The following IL17RB variants were observed in gnomAD, a reference collection of about 807,000 sequenced individuals.
The protein encoded by IL17RB is interleukin 17 receptor B, also known as interleukin-17 receptor B.
In IL17RB, 36 loss-of-function variants were observed where a neutral mutation model predicts 43.9. That is an observed-to-expected ratio of 0.82 (90% confidence interval 0.63 to 1.08). The LOEUF is 1.08. IL17RB is among the 50% of genes least tolerant of loss of function. The probability of loss-of-function intolerance (pLI) is 0.00; values close to 1 mark genes in which losing one functional copy is unlikely to be tolerated. For missense variants in IL17RB, 613 were observed against 613.6 expected (o/e 1.00, Z 0.01); for synonymous variants, 225 against 225.4 (o/e 1.00, Z 0.02).
chr3:53,858,269 AC>A, intron 8 of IL17RB: 1 of 874,426 alleles, frequency 1.1e-6, no homozygotes, highest in Non-Finnish European at 1.4e-6. Flanking sequence ...GTGCTCAAAC[AC>A]ACCAGAGGGG....
Position 53,865,231 on chromosome 3 carries a change from G to T in IL17RB, c.1432G>T (p.Glu478Ter). 3 of 1,613,574 alleles carry T rather than the reference G, an allele frequency of 1.9e-6. No homozygotes were observed. The East Asian group carries it at 6.7e-5, about 36-fold the overall frequency. The change falls in exon 11 of 11, where the codon GAA (glutamate) becomes TAA (stop). Residue 478 changes from glutamate (E) to a stop codon, truncating the protein, a stop_gained. Transcript: ENST00000288167. LOFTEE classifies it low-confidence loss of function (END_TRUNC). ...LMKDATAFCA[E>*]LLHVKQQVSA... ...GAAGGATGCCACTGCTTTCTGTGCA[G>T]AACTTCTCCATGTCAAGCAGCAGGT...
intron 10 of IL17RB, chr3:53,861,101 A>G (rs1308290630): frequency 9.9e-5 from 15 of 152,196 alleles, no homozygotes. Flanking sequence ...GATGCTAACC[A>G]TCTCCAAACG....
At chr3:53,851,905 A>T in intron 3 of IL17RB, 94 bp from the exon 4 acceptor site, 1 of 1,397,800 alleles carries the variant, frequency 7.2e-7, no homozygotes, top group South Asian at 1.2e-5. Context: ...ATGAACCGAG[A>T]CATAAAATAA....
At chr3:53,855,801 G>A (rs1262118189) in intron 6 of IL17RB, among the ~76,000 whole-genome samples, 2 of 152,184 alleles carry the variant, frequency 1.3e-5, no homozygotes, top group Non-Finnish European at 2.9e-5. Flanking sequence ...CTAAAGGACT[G>A]GCCCACAATT....
At chr3:53,858,856 G>A (rs1413221514) in intron 9 of IL17RB, 38 bp downstream of exon 9, 2 of 1,507,540 alleles carry the variant, frequency 1.3e-6, no homozygotes, top group Non-Finnish European at 1.8e-6. Flanking sequence ...GATCAAAGTG[G>A]CTCACACACA....
Position 53,864,949 on chromosome 3 carries a change from A to C in IL17RB, c.1150A>C (p.Thr384Pro), listed in dbSNP as rs895231805. 3.8e-5 allele frequency: 61 copies of C among 1,614,056 alleles called. No homozygotes were observed. The highest frequency in any genetic ancestry group is 5.0e-5 in the Non-Finnish European group (59 of 1,180,022). Residue 384 changes from threonine to proline, a missense_variant, in exon 11 of 11, where the codon ACT becomes CCT. Coordinates refer to ENST00000288167, the MANE Select transcript of IL17RB (RefSeq NM_018725.4). ...AEMGPVQWLATQKKAADKVVF... is the reference protein window; with the variant it reads ...AEMGPVQWLAPQKKAADKVVF... ...GATGGGTCCAGTGCAGTGGCTTGCC[A>C]CTCAAAAGAAGGCAGCAGACAAAGT...
chr3:53,861,775 A>G (rs1699572900), intron 10 of IL17RB, among the ~76,000 whole-genome samples: 1 of 152,238 alleles, frequency 6.6e-6, no homozygotes, highest in African/African-American at 2.4e-5. Flanking sequence ...TGCCATTAAG[A>G]AAATCACTGA....
chr3:53,846,827 G>A (rs977501261), intron 1 of IL17RB, among the ~76,000 whole-genome samples, 179 bp downstream of exon 1: 4 of 152,232 alleles, frequency 2.6e-5, no homozygotes, highest in Admixed American at 1.3e-4. Flanking sequence ...AGTCAGGGGC[G>A]TGGGAATCAG....
intron 10 of IL17RB, 72 bp downstream of exon 10, chr3:53,860,300 C>A (rs567310897): frequency 8.2e-7 from 1 of 1,224,944 alleles, no homozygotes; most frequent in Non-Finnish European, 1.2e-6. Context: ...AAAGAAGATT[C>A]CTCTGGAGGC....
rs141871735 is a variant in IL17RB, at chr3:53,853,734, C to T, written c.481+737C>T. On this transcript the variant is annotated intron_variant, in intron 5 of 10. Coordinates refer to ENST00000288167, the MANE Select transcript of IL17RB (RefSeq NM_018725.4). ...TCACAGGCAAGGCATCAAAGCCAAA[C>T]GGTAATTTCCAATTCACTGCTGGTC... is the stretch of plus-strand genomic sequence containing the variant. Among the ~76,000 whole-genome samples the T allele has an allele frequency of 5.6e-3, 848 of 152,296 alleles. 11 individuals carry two copies. The highest frequency in any genetic ancestry group is 0.018 in the African/African-American group (764 of 41,570).
At chr3:53,848,475 C>A (rs1699018727) in intron 1 of IL17RB, among the ~76,000 whole-genome samples, 189 bp from the exon 2 acceptor site, 1 of 152,230 alleles carries the variant, frequency 6.6e-6, no homozygotes, top group African/African-American at 2.4e-5. Flanking sequence ...AATCCATGGT[C>A]CGTCATAGCC....
intron 1 of IL17RB, 42 bp from the exon 2 acceptor site, chr3:53,848,622 T>G (rs767086796): frequency 1.1e-5 from 17 of 1,585,272 alleles, no homozygotes; most frequent in Non-Finnish European, 1.4e-5. Context: ...AGCTTGTGGT[T>G]TGCCGGCTTC....
intron 5 of IL17RB, among the ~76,000 whole-genome samples, chr3:53,854,211 T>C (rs1699255773): frequency 6.6e-6 from 1 of 152,180 alleles, no homozygotes; most frequent in South Asian, 2.1e-4. Flanking sequence ...TTTGGAATAA[T>C]TTTAGATTTA....
Position 53,860,181 on chromosome 3 carries a change from TG to T in IL17RB, c.901del (p.Ala301ProfsTer11). 1 of 1,614,132 alleles carries T rather than the reference TG, an allele frequency of 6.2e-7. No individual in the cohort carries two copies. Among genetic ancestry groups the T allele is most frequent in the East Asian group, 2.2e-5 (1 of 44,892 alleles). On this transcript the variant is annotated frameshift_variant, in exon 10 of 11. Transcript: ENST00000288167. LOFTEE classifies it low-confidence loss of function (END_TRUNC). Reference protein sequence around the residue: ...WLPLLLLSLLVATWVLVAGIY... With the variant: ...WLPLLLLSLLXATWVLVAGIY... ...CCTCTCCTCCTGCTGTCTCTGCTGG[TG>T]GCCACATGGGTGCTGGTGGCAGGGA...
intron 3 of IL17RB, 136 bp from the exon 4 acceptor site, chr3:53,851,863 A>C (rs1699161554): frequency 1.0e-6 from 1 of 976,648 alleles, no homozygotes; most frequent in Non-Finnish European, 1.5e-6. Flanking sequence ...AACTGGAGAC[A>C]GTGGTGCCTA....
At position 53,856,906 on chromosome 3, in the gene IL17RB, T is replaced by C; in HGVS notation, c.592T>C (p.Phe198Leu). 6.2e-7 allele frequency: 1 copy of C among 1,614,074 alleles called. No homozygotes were observed. Among genetic ancestry groups the C allele is most frequent in the Non-Finnish European group, 8.5e-7 (1 of 1,179,944 alleles). ...GAATGAGGAGACAGTAGAAGTGAAC[T>C]TCACAACCACTCCCCTGGGAAACAG... ...KKNEETVEVN[F>L]TTTPLGNRYM... Residue 198 changes from phenylalanine to leucine, a missense_variant, in exon 7 of 11, where the codon TTC (phenylalanine) becomes CTC (leucine). Physicochemically the swap from Phe to Leu is conservative, Grantham distance 22. Coordinates refer to ENST00000288167, the MANE Select transcript of IL17RB (RefSeq NM_018725.4).
At position 53,865,053 on chromosome 3, in the gene IL17RB, C is replaced by T. The variant is rs1237594194; in HGVS notation, c.1254C>T (p.Asn418=). The change falls in exon 11 of 11, where the codon AAC becomes AAT. Residue 418 remains asparagine, a synonymous_variant. Transcript: ENST00000288167. ...AGAGCGAGGGCAGTCCCAGTGAGAA[C>T]TCTCAAGACCTCTTCCCCCTTGCCT... ...CGKSEGSPSE[N]SQDLFPLAFN... 1.9e-6 allele frequency: 3 copies of T among 1,614,162 alleles called. No individual in the cohort carries two copies. Among genetic ancestry groups the T allele is most frequent in the Non-Finnish European group, 2.5e-6 (3 of 1,179,996 alleles).
At chr3:53,849,153 G>C (rs28385737) in intron 2 of IL17RB, among the ~76,000 whole-genome samples, 2 of 152,222 alleles carry the variant, frequency 1.3e-5, no homozygotes, top group African/African-American at 4.8e-5. Flanking sequence ...TGGGGGCTGT[G>C]TGGGCCAGCT....
Position 53,863,645 on chromosome 3 carries a change from G to A in IL17RB, c.947-1101G>A, listed in dbSNP as rs371519018. The stretch of plus-strand genomic sequence containing the variant: ...AATTCCAGGTTAAGTTCCAGGGGCT[G>A]AAAAGGGGTGCCACTTAACTTTGGG... On this transcript the variant is annotated intron_variant, in intron 10 of 10. Coordinates refer to ENST00000288167, the MANE Select transcript of IL17RB (RefSeq NM_018725.4). Among the ~76,000 whole-genome samples the A allele has an allele frequency of 1.3e-4, 20 of 152,100 alleles. No individual in the cohort carries two copies. In the East Asian group the frequency reaches 1.9e-3, roughly 15 times the overall value.
Sources: gnomAD v4.1 joint callset for allele counts (sites outside exome capture counted in the v4.1 genomes callset) on GRCh38, gnomAD v4.1.1 for gene constraint, MANE v1.5 for transcripts, NCBI Gene and HGNC (gene_info 2026-07-23, HGNC 2026-07-21) for gene names.